Variants in COL22A1 observed in about 807,000 individuals in gnomAD.
The protein encoded by COL22A1 is collagen alpha-1(XXII) chain.
COL22A1 carries 221 observed loss-of-function variants against 248.9 expected under a neutral mutation model. The ratio of observed to expected loss-of-function variants is 0.89; its 90% confidence interval spans 0.80 to 0.99. COL22A1 has a LOEUF of 0.99. Ranked by LOEUF, COL22A1 falls within the 50% of genes least tolerant of loss-of-function variation. The probability of loss-of-function intolerance (pLI) is 0.00; values close to 1 mark genes in which losing one functional copy is unlikely to be tolerated. For synonymous variants in COL22A1, 891 were observed against 793.4 expected (o/e 1.12, Z -2.07); for missense variants, 2,240 against 2,179.0 (o/e 1.03, Z -0.56).
intron 41 of COL22A1, among the ~76,000 whole-genome samples, chr8:138,674,878 A>G (rs982771559): frequency 6.6e-6 from 1 of 152,146 alleles, no homozygotes; most frequent in African/African-American, 2.4e-5. Context: ...GAAGGCATAA[A>G]CTATTGTGTT....
chr8:138,728,288 CA>C, intron 23 of COL22A1, among the ~76,000 whole-genome samples: 1 of 152,184 alleles, frequency 6.6e-6, no homozygotes, highest in East Asian at 1.9e-4. Context: ...CTCAGCCTCC[CA>C]AAGCACTGGG....
At chr8:138,751,245 A>T (rs1832574286) in intron 22 of COL22A1, among the ~76,000 whole-genome samples, 1 of 152,194 alleles carries the variant, frequency 6.6e-6, no homozygotes, top group African/African-American at 2.4e-5. Context: ...CAGACAACAG[A>T]CTGATCTCCA....
At chr8:138,798,972 GATTCATGCACTTTATGAACCCCTAC>G (rs1816780070) in intron 11 of COL22A1, among the ~76,000 whole-genome samples, 1 of 152,142 alleles carries the variant, frequency 6.6e-6, no homozygotes, top group Admixed American at 6.5e-5. Context: ...AGTAGGTGCA[GATTCATGCACTTTATGAACCCCTAC>G]ATTTCTCCAA....
chr8:138,602,890 C>T (rs1818146198), intron 59 of COL22A1, among the ~76,000 whole-genome samples: 1 of 152,244 alleles, frequency 6.6e-6, no homozygotes, highest in African/African-American at 2.4e-5. Flanking sequence ...GCATGGGTTA[C>T]TTTCCTGCCA....
rs748648058 is a variant in COL22A1, at chr8:138,685,208, C to T, written c.2967G>A (p.Pro989=). 1.5e-5 allele frequency: 24 copies of T among 1,605,022 alleles called. No individual in the cohort carries two copies. The highest frequency in any genetic ancestry group is 8.0e-5 in the African/African-American group (6 of 74,658). The part of the protein sequence containing the change: ...GPPGKGKDGE[P]GLRGSPGLPG... ...CTGGGACCCCCGACCTTCCACTTACCGGCTCTCCATCCTTCCCTTTTCCGG... is the reference window on the plus strand; with the variant it reads ...CTGGGACCCCCGACCTTCCACTTACTGGCTCTCCATCCTTCCCTTTTCCGG... Residue 989 remains proline (P), a splice_region_variant and synonymous_variant, in exon 38 of 65, where the codon CCG becomes CCA. Transcript: ENST00000303045.
At chr8:138,846,779 T>C (rs1223801874) in intron 3 of COL22A1, among the ~76,000 whole-genome samples, 1 of 152,186 alleles carries the variant, frequency 6.6e-6, no homozygotes, top group African/African-American at 2.4e-5. Context: ...CACTCATCTA[T>C]TCAAACTCAA....
At position 138,848,761 on chromosome 8, in the gene COL22A1, A is replaced by T. The variant is rs542320643; in HGVS notation, c.659-4603T>A. The stretch of plus-strand genomic sequence containing the variant: ...CACAGATATAAAAACTGAGTCCAAG[A>T]TGAGAAACTCATCAGACAGGAGAAA... On this transcript the variant is annotated intron_variant, in intron 3 of 64. Transcript: ENST00000303045. 1.6e-4 allele frequency among the ~76,000 whole-genome samples: 24 copies of T among 152,356 alleles called. No individual in the cohort carries two copies. The East Asian group carries it at 4.4e-3, about 28-fold the overall frequency.
chr8:138,655,489 G>A (rs976521099), intron 45 of COL22A1, among the ~76,000 whole-genome samples: 5 of 152,134 alleles, frequency 3.3e-5, no homozygotes, highest in Non-Finnish European at 7.3e-5. Context: ...CTCCTGAGTC[G>A]CTGGGACCAC....
chr8:138,646,049 TG>T (rs1289943037), intron 47 of COL22A1, among the ~76,000 whole-genome samples: 1 of 152,172 alleles, frequency 6.6e-6, no homozygotes, highest in African/African-American at 2.4e-5. Flanking sequence ...CTAGAACATT[TG>T]TTTTGACAGC....
chr8:138,882,981 T>C (rs1362443043), intron 2 of COL22A1, 101 bp downstream of exon 2: 1 of 1,055,470 alleles, frequency 9.5e-7, no homozygotes, highest in Non-Finnish European at 1.4e-6. Flanking sequence ...ACACAGTCAG[T>C]TGTGAACTCA....
chr8:138,896,362 G>A (rs768334450), intron 1 of COL22A1, among the ~76,000 whole-genome samples: 1 of 152,068 alleles, frequency 6.6e-6, no homozygotes, highest in African/African-American at 2.4e-5. Flanking sequence ...AGGGTAAAGG[G>A]ACTTAAATGA....
chr8:138,713,563 T>C (rs1563653815), intron 30 of COL22A1, among the ~76,000 whole-genome samples: 1 of 152,196 alleles, frequency 6.6e-6, no homozygotes, highest in Non-Finnish European at 1.5e-5. Flanking sequence ...ATCTCGTGCA[T>C]GTGCGGTTTT....
rs139521491 is a variant in COL22A1, at chr8:138,844,679, G to A, written c.659-521C>T. On this transcript the variant is annotated intron_variant, in intron 3 of 64. Coordinates refer to ENST00000303045, the MANE Select transcript of COL22A1 (RefSeq NM_152888.3). ...GGAAAGCATGCACATGTCCGGGCGC[G>A]GTGGCTCACGCCTGTAATCCCAGCA... Among the ~76,000 whole-genome samples, 1,372 of 152,094 alleles carry A rather than the reference G, an allele frequency of 9.0e-3. 26 individuals are homozygous for A. The highest frequency in any genetic ancestry group is 0.032 in the African/African-American group (1,308 of 41,480).
intron 60 of COL22A1, 33 bp downstream of exon 60, chr8:138,602,082 G>A (rs572229489): frequency 2.8e-5 from 45 of 1,613,486 alleles, no homozygotes; most frequent in Middle Eastern, 1.6e-4. Context: ...GGTCGCGTTC[G>A]GCGTGTTCAA....
In COL22A1 at chr8:138,821,306, G is replaced by A. The variant is rs1333098666; in HGVS notation, c.1075C>T (p.Leu359Phe). 2 of 1,614,156 alleles carry A rather than the reference G, an allele frequency of 1.2e-6. No individual in the cohort carries two copies. The highest frequency in any genetic ancestry group is 1.6e-4 in the Middle Eastern group (1 of 6,062). The change falls in exon 7 of 65, where the codon CTC (leucine) becomes TTC (phenylalanine). Residue 359 changes from leucine (L) to phenylalanine (F), a missense_variant. Physicochemically the swap from Leu to Phe is conservative, Grantham distance 22. Coordinates refer to ENST00000303045, the MANE Select transcript of COL22A1 (RefSeq NM_152888.3). The stretch of plus-strand genomic sequence containing the variant: ...ATCTTGTGCCAGTCCCGGTCAAAGA[G>A]GTCATTGACCCGAGAACCTCGGAAG... Reference protein sequence around the residue: ...VVFRGSRVNDLFDRDWHKMAL... With the variant: ...VVFRGSRVNDFFDRDWHKMAL...
intron 4 of COL22A1, among the ~76,000 whole-genome samples, chr8:138,833,480 C>A (rs907123136): frequency 6.6e-6 from 1 of 152,210 alleles, no homozygotes; most frequent in Non-Finnish European, 1.5e-5. Context: ...GTTCACGAAA[C>A]CCAGATGTGT....
At chr8:138,779,745 G>A (rs943068946) in intron 13 of COL22A1, among the ~76,000 whole-genome samples, 183 bp from the exon 14 acceptor site, 4 of 152,164 alleles carry the variant, frequency 2.6e-5, no homozygotes, top group Non-Finnish European at 4.4e-5. Flanking sequence ...GCAAAGAAGC[G>A]GACCTTTGCT....
chr8:138,614,430 A>T (rs182015645), intron 55 of COL22A1, among the ~76,000 whole-genome samples: 1 of 152,212 alleles, frequency 6.6e-6, no homozygotes, highest in Non-Finnish European at 1.5e-5. Context: ...TGGATAAAAA[A>T]TCAGAAACTT....
chr8:138,689,166 G>GGC (rs1554749876), intron 36 of COL22A1, among the ~76,000 whole-genome samples, 196 bp from the exon 37 acceptor site: 12 of 114,694 alleles, frequency 1.0e-4, no homozygotes, highest in Admixed American at 3.1e-4. Context: ...CCCGGGGGGG[G>GGC]GGCTGGCCTT....
Sources: gnomAD v4.1 joint callset for allele counts (sites outside exome capture counted in the v4.1 genomes callset) on GRCh38, gnomAD v4.1.1 for gene constraint, MANE v1.5 for transcripts, NCBI Gene and HGNC (gene_info 2026-07-23, HGNC 2026-07-21) for gene names.